FSTL5: variants seen among roughly 807,000 people sequenced by gnomAD.
FSTL5 encodes the protein follistatin like 5, also known as follistatin-related protein 5.
Under a neutral mutation model 89.1 loss-of-function variants are expected in FSTL5, and 62 were observed. The observed-to-expected ratio is 0.70, with a 90% CI of 0.57 to 0.86. The LOEUF is 0.86. Among genes scored for constraint, FSTL5 ranks in the 40% least tolerant of loss-of-function variants. FSTL5 has a pLI of 0.00. For synonymous variants in FSTL5, 383 were observed against 346.2 expected (o/e 1.11, Z -1.18); for missense variants, 1,057 against 1,001.6 (o/e 1.06, Z -0.75).
At chr4:161,585,674 G>A (rs1187597242) in intron 8 of FSTL5, among the ~76,000 whole-genome samples, 1 of 151,450 alleles carries the variant, frequency 6.6e-6, no homozygotes, top group Non-Finnish European at 1.5e-5. Flanking sequence ...AGAAGGTGAG[G>A]ACCAGACGTG....
At chr4:162,113,501 GATC>G (rs1330143481) in intron 1 of FSTL5, among the ~76,000 whole-genome samples, 2 of 152,068 alleles carry the variant, frequency 1.3e-5, no homozygotes, top group Admixed American at 6.6e-5. Context: ...GAGCCTGAGT[GATC>G]ATGTTATTGC....
At chr4:162,050,437 A>G (rs1341927256) in intron 2 of FSTL5, among the ~76,000 whole-genome samples, 1 of 150,886 alleles carries the variant, frequency 6.6e-6, no homozygotes, top group Non-Finnish European at 1.5e-5. Flanking sequence ...AGGAACAAAA[A>G]TAGCTTCAAT....
In FSTL5 at chr4:161,708,779, T is replaced by C. The variant is rs1277808751; in HGVS notation, c.727+50632A>G. 2.6e-5 allele frequency among the ~76,000 whole-genome samples: 4 copies of C among 152,154 alleles called. No homozygotes were observed. The South Asian group carries it at 6.2e-4, about 24-fold the overall frequency. On this transcript the variant is annotated intron_variant, in intron 6 of 15. Transcript: ENST00000306100. ...TATTAGAAAACAATGGCTTATCTTA[T>C]TGTTTGCCTGCCAGGCACAAATGTG...
chr4:162,099,040 T>C (rs1730879568), intron 2 of FSTL5, among the ~76,000 whole-genome samples: 1 of 152,136 alleles, frequency 6.6e-6, no homozygotes. Context: ...GACATGATTG[T>C]ATAAATTTTT....
intron 7 of FSTL5, among the ~76,000 whole-genome samples, chr4:161,618,819 C>T (rs967019971): frequency 2.0e-5 from 3 of 152,156 alleles, no homozygotes; most frequent in Non-Finnish European, 4.4e-5. Flanking sequence ...TGACTTTCTT[C>T]ACAGAATTGG....
chr4:161,583,329 C>G (rs1733498805), intron 8 of FSTL5, among the ~76,000 whole-genome samples: 1 of 152,160 alleles, frequency 6.6e-6, no homozygotes, highest in Non-Finnish European at 1.5e-5. Context: ...CAGGATGAGA[C>G]TGAGGGTAGA....
At chr4:161,652,299 G>T (rs999139095) in intron 7 of FSTL5, among the ~76,000 whole-genome samples, 1 of 152,082 alleles carries the variant, frequency 6.6e-6, no homozygotes, top group African/African-American at 2.4e-5. Context: ...GTTAGGTGCG[G>T]TGGCTCACAT....
intron 4 of FSTL5, among the ~76,000 whole-genome samples, chr4:161,838,073 C>T (rs1731100804): frequency 6.6e-6 from 1 of 151,904 alleles, no homozygotes; most frequent in African/African-American, 2.4e-5. Flanking sequence ...CAAGATATAT[C>T]CAGAATTTTC....
chr4:161,973,535 T>G (rs1032236661), intron 3 of FSTL5, among the ~76,000 whole-genome samples: 1 of 152,224 alleles, frequency 6.6e-6, no homozygotes, highest in African/African-American at 2.4e-5. Context: ...ATAACTGTAT[T>G]TATGTATAAT....
At chr4:162,053,343 G>T (rs1484674310) in intron 2 of FSTL5, among the ~76,000 whole-genome samples, 2 of 151,752 alleles carry the variant, frequency 1.3e-5, no homozygotes, top group African/African-American at 4.8e-5. Context: ...AAAAACTCAA[G>T]AAATAAGTTA....
In FSTL5 at chr4:161,783,761, C is replaced by A. The variant is rs866182793; in HGVS notation, c.410-7687G>T. On this transcript the variant is annotated intron_variant, in intron 4 of 15. Coordinates refer to ENST00000306100, the MANE Select transcript of FSTL5 (RefSeq NM_020116.5). ...CTTTCTTTCTTTCTTTCTTTCTTTC[C>A]TTCTTTCTCTTTCTTGACAGATTCT... is the stretch of plus-strand genomic sequence containing the variant. Among the ~76,000 whole-genome samples, 4 of 92,338 alleles carry A rather than the reference C, an allele frequency of 4.3e-5. No individual in the cohort carries two copies. In the East Asian group the frequency reaches 9.3e-4, roughly 22 times the overall value. 60.6% of individuals were successfully genotyped at this position (92,338 alleles called of 152,430 possible).
rs147882481 is a variant in FSTL5, at chr4:161,942,798, A to G, written c.161-22146T>C. 8.3e-4 allele frequency among the ~76,000 whole-genome samples: 126 copies of G among 152,278 alleles called. 1 individual carries two copies. The highest frequency in any genetic ancestry group is 2.6e-3 in the African/African-American group (108 of 41,572). ...TTGGTGTCCATTTTTCACCAGTTCC[A>G]GCAAACACTGCACTAAAAGATCTAG... is the stretch of plus-strand genomic sequence containing the variant. On this transcript the variant is annotated intron_variant, in intron 3 of 15. Transcript: ENST00000306100.
Position 161,500,083 on chromosome 4 carries a change from A to G in FSTL5, c.1391T>C (p.Val464Ala), listed in dbSNP as rs779905424. Reference sequence around the variant, plus strand: ...AAATTCACATTCTATGGGTTGTATCACTTTGATTCCATCTTCATAAAAAAC... The same window carrying G: ...AAATTCACATTCTATGGGTTGTATCGCTTTGATTCCATCTTCATAAAAAAC... The part of the protein sequence containing the change: ...FYVFYEDGIK[V>A]IQPIECEFQR... The change falls in exon 12 of 16, where the codon GTG becomes GCG. Residue 464 changes from valine (V) to alanine (A), a missense_variant. Around this residue, in one of 3 missense-constraint regions of FSTL5, gnomAD observed 980 missense variants for 903.2 expected, o/e 1.08. Transcript: ENST00000306100. The G allele has an allele frequency of 1.9e-6, 3 of 1,609,356 alleles. No individual in the cohort carries two copies. The highest frequency in any genetic ancestry group is 1.1e-5 in the South Asian group (1 of 90,490).
intron 8 of FSTL5, among the ~76,000 whole-genome samples, chr4:161,586,295 C>T (rs1733615018): frequency 6.6e-6 from 1 of 152,050 alleles, no homozygotes; most frequent in Admixed American, 6.6e-5. Flanking sequence ...TTTCATGTTC[C>T]TCAATTGAAT....
intron 5 of FSTL5, among the ~76,000 whole-genome samples, chr4:161,762,442 C>T (rs1043317389): frequency 6.6e-6 from 1 of 152,168 alleles, no homozygotes; most frequent in Non-Finnish European, 1.5e-5. Context: ...GTTCCAAAAA[C>T]TCACTGTAGA....
intron 8 of FSTL5, among the ~76,000 whole-genome samples, chr4:161,561,871 C>A (rs1732613735): frequency 6.6e-6 from 1 of 151,988 alleles, no homozygotes; most frequent in Admixed American, 6.6e-5. Context: ...GGCACAGTCA[C>A]TATGTAACCT....
At chr4:162,020,539 G>A (rs971273236) in intron 3 of FSTL5, among the ~76,000 whole-genome samples, 1 of 151,952 alleles carries the variant, frequency 6.6e-6, no homozygotes, top group Non-Finnish European at 1.5e-5. Flanking sequence ...TCAATAGATG[G>A]GGACTATTGT....
intron 10 of FSTL5, among the ~76,000 whole-genome samples, chr4:161,532,212 AAG>A (rs200940022): frequency 0.02 from 3,065 of 150,398 alleles, 93 homozygotes; most frequent in African/African-American, 0.071. Flanking sequence ...AAAAAAAAAA[AAG>A]AAATTATTTT....
intron 6 of FSTL5, among the ~76,000 whole-genome samples, chr4:161,673,415 A>G (rs768762981): frequency 9.9e-5 from 15 of 152,048 alleles, no homozygotes; most frequent in Non-Finnish European, 1.5e-4. Context: ...AAGTAATTTT[A>G]TGAACTGTAT....
Sources: allele counts gnomAD v4.1 joint callset (sites outside exome capture counted in the v4.1 genomes callset), GRCh38; gene constraint gnomAD v4.1.1; regional missense constraint gnomAD v4.1.1; transcripts MANE v1.5; gene names NCBI Gene and HGNC (gene_info 2026-07-23, HGNC 2026-07-21).